Variants in MACROD2 observed in about 807,000 individuals in gnomAD.
The protein encoded by MACROD2 is mono-ADP ribosylhydrolase 2, also known as ADP-ribose glycohydrolase MACROD2.
MACROD2 carries 36 observed loss-of-function variants against 70.4 expected under a neutral mutation model. That is an observed-to-expected ratio of 0.51 (90% CI 0.39 to 0.68). MACROD2 has a LOEUF of 0.68. MACROD2 is among the 30% of genes least tolerant of loss of function. The pLI is 0.00. For missense variants in MACROD2, 496 were observed against 538.4 expected (o/e 0.92, Z 0.78); for synonymous variants, 172 against 178.8 (o/e 0.96, Z 0.30).
chr20:14,538,411 C>T (rs1455547591), intron 4 of MACROD2, among the ~76,000 whole-genome samples: 1 of 152,200 alleles, frequency 6.6e-6, no homozygotes, highest in Admixed American at 6.5e-5. Context: ...TTCCTCTCTT[C>T]AGTCCATTCT....
At chr20:14,300,922 C>G (rs1486139100) in intron 3 of MACROD2, among the ~76,000 whole-genome samples, 2 of 152,106 alleles carry the variant, frequency 1.3e-5, no homozygotes, top group African/African-American at 4.8e-5. Context: ...CTACTTTTAC[C>G]TAAAGTTAGG....
intron 3 of MACROD2, among the ~76,000 whole-genome samples, chr20:14,388,252 T>C (rs1466786187): frequency 2.0e-5 from 3 of 152,030 alleles, no homozygotes; most frequent in Non-Finnish European, 4.4e-5. Flanking sequence ...GACTTCGTGA[T>C]CCACCCATCT....
intron 5 of MACROD2, among the ~76,000 whole-genome samples, chr20:14,965,660 C>G (rs2423877): frequency 0.81 from 120,174 of 148,914 alleles, 49,244 homozygotes; most frequent in African/African-American, 0.95. Context: ...AGTAGAGACG[C>G]GGTTTCACTG....
intron 8 of MACROD2, among the ~76,000 whole-genome samples, chr20:15,548,629 T>G (rs1383229200): frequency 6.6e-6 from 1 of 152,084 alleles, no homozygotes; most frequent in African/African-American, 2.4e-5. Flanking sequence ...CTCCTGACCT[T>G]GTGATCCACC....
chr20:14,076,860 T>C (rs1309208042), intron 2 of MACROD2, among the ~76,000 whole-genome samples: 1 of 152,212 alleles, frequency 6.6e-6, no homozygotes, highest in East Asian at 1.9e-4. Context: ...CTACTAGATA[T>C]TTAAGATTAT....
chr20:15,997,668 G>A lies in MACROD2; in HGVS notation c.1153+10510G>A, dbSNP rs141659220. ...AATCATAATTCTTCCTTTCTGATTTGAATGGCTTTTATTTCTTTTTCTTGC... is the reference window on the plus strand; with the variant it reads ...AATCATAATTCTTCCTTTCTGATTTAAATGGCTTTTATTTCTTTTTCTTGC... On this transcript the variant is annotated intron_variant, in intron 15 of 17. Coordinates refer to ENST00000684519, the MANE Select transcript of MACROD2 (RefSeq NM_001351661.2). Among the ~76,000 whole-genome samples, 802 of 152,182 alleles carry A rather than the reference G, an allele frequency of 5.3e-3. 11 individuals are homozygous for A. The highest frequency in any genetic ancestry group is 0.019 in the African/African-American group (769 of 41,512).
intron 3 of MACROD2, among the ~76,000 whole-genome samples, chr20:14,459,022 A>G (rs1301057861): frequency 6.6e-6 from 1 of 152,070 alleles, no homozygotes; most frequent in African/African-American, 2.4e-5. Context: ...AGAAAATTAT[A>G]TATACCTTTA....
rs1419083728 is a variant in MACROD2 at position 14,367,087 on chromosome 20, A to G, written c.272-126392A>G. ...TTAAAGACTTTTCTTTGTGGTTTGT[A>G]TGGGGATAACAATTAAAATCCTAAA... On this transcript the variant is annotated intron_variant, in intron 3 of 17. Transcript: ENST00000684519. 5.3e-5 allele frequency among the ~76,000 whole-genome samples: 8 copies of G among 151,936 alleles called. No individual in the cohort carries two copies. The East Asian group carries it at 1.5e-3, about 29-fold the overall frequency.
chr20:14,430,101 G>C (rs1162810045), intron 3 of MACROD2, among the ~76,000 whole-genome samples: 1 of 152,170 alleles, frequency 6.6e-6, no homozygotes, highest in Non-Finnish European at 1.5e-5. Flanking sequence ...CATGAATCAA[G>C]TTGTGCAGAT....
intron 8 of MACROD2, among the ~76,000 whole-genome samples, chr20:15,660,624 T>C (rs549605863): frequency 1.6e-4 from 25 of 152,306 alleles, no homozygotes; most frequent in African/African-American, 6.0e-4. Context: ...TATTTTAACA[T>C]ACTGATTGAG....
chr20:15,359,180 G>C (rs1324626472), intron 6 of MACROD2, among the ~76,000 whole-genome samples: 9 of 151,856 alleles, frequency 5.9e-5, no homozygotes, highest in Admixed American at 4.6e-4. Flanking sequence ...CAATCTTAGA[G>C]TCTACACAAA....
chr20:14,339,245 G>C (rs1360080108), intron 3 of MACROD2, among the ~76,000 whole-genome samples: 1 of 152,138 alleles, frequency 6.6e-6, no homozygotes, highest in Non-Finnish European at 1.5e-5. Context: ...GCACTTTTGT[G>C]GGCCTCAGAG....
chr20:14,585,024 G>A (rs546859246), intron 4 of MACROD2, among the ~76,000 whole-genome samples: 1 of 152,306 alleles, frequency 6.6e-6, no homozygotes, highest in East Asian at 1.9e-4. Flanking sequence ...CTCCAGGAAG[G>A]TGGAGGTGCC....
At chr20:15,625,737 A>T (rs1335881825) in intron 8 of MACROD2, among the ~76,000 whole-genome samples, 2 of 152,072 alleles carry the variant, frequency 1.3e-5, no homozygotes, top group Non-Finnish European at 1.5e-5. Flanking sequence ...TAGGCTGCAC[A>T]TGGGTCTTGG....
At chr20:15,245,598 T>C (rs1002955001) in intron 6 of MACROD2, among the ~76,000 whole-genome samples, 2 of 152,192 alleles carry the variant, frequency 1.3e-5, no homozygotes, top group African/African-American at 4.8e-5. Flanking sequence ...GTTATATGCA[T>C]TCAATGGAAA....
chr20:14,582,826 G>A (rs1461678681), intron 4 of MACROD2, among the ~76,000 whole-genome samples: 3 of 152,084 alleles, frequency 2.0e-5, no homozygotes, highest in African/African-American at 7.2e-5. Flanking sequence ...CCATTATAAT[G>A]ACATTGTTTG....
At chr20:15,667,507 C>CTATCTATT (rs1259881761) in intron 8 of MACROD2, among the ~76,000 whole-genome samples, 1 of 140,578 alleles carries the variant, frequency 7.1e-6, no homozygotes, top group East Asian at 3.0e-4. Context: ...ATGTATCTAT[C>CTATCTATT]TATCTATCTA....
intron 12 of MACROD2, among the ~76,000 whole-genome samples, chr20:15,941,316 A>C (rs1179255457): frequency 1.3e-5 from 2 of 152,172 alleles, no homozygotes; most frequent in African/African-American, 2.4e-5. Context: ...ACTAGTATGC[A>C]AGCTTCTTTC....
intron 5 of MACROD2, among the ~76,000 whole-genome samples, chr20:14,885,036 G>A (rs1199540725): frequency 1.3e-5 from 2 of 152,088 alleles, no homozygotes; most frequent in African/African-American, 4.8e-5. Context: ...TAATGTCAAA[G>A]GCATGTCCTT....
Sources: gnomAD v4.1 joint callset for allele counts (sites outside exome capture counted in the v4.1 genomes callset) on GRCh38, gnomAD v4.1.1 for gene constraint, MANE v1.5 for transcripts, NCBI Gene and HGNC (gene_info 2026-07-23, HGNC 2026-07-21) for gene names.